The following ZHX2 variants were observed in gnomAD, a reference collection of about 807,000 sequenced individuals.
ZHX2 encodes the protein zinc fingers and homeoboxes protein 2.
Under a neutral mutation model 21.9 loss-of-function variants are expected in ZHX2, and 6 were observed. The observed-to-expected ratio is 0.27, with a 90% CI of 0.15 to 0.54. ZHX2 has a LOEUF of 0.54. Ranked by LOEUF, ZHX2 falls within the 20% of genes least tolerant of loss-of-function variation. The pLI is 0.95. For missense variants in ZHX2, 908 were observed against 1,090.7 expected, an observed-to-expected ratio of 0.83 and a Z score of 2.36; for synonymous variants, 434 against 437.1, an observed-to-expected ratio of 0.99 and a Z score of 0.09.
chr8:122,960,722 C>T (rs1439537762), intron 3 of ZHX2, among the ~76,000 whole-genome samples: 1 of 152,164 alleles, frequency 6.6e-6, no homozygotes, highest in Non-Finnish European at 1.5e-5. Context: ...CCTGGGTTCA[C>T]ACTTCACAGA....
intron 3 of ZHX2, among the ~76,000 whole-genome samples, chr8:122,971,353 A>G (rs540232856): frequency 6.7e-6 from 1 of 150,302 alleles, no homozygotes; most frequent in Admixed American, 6.6e-5. Flanking sequence ...GGATCCCTGC[A>G]GTGTTTACAA....
chr8:122,933,633 A>G (rs1812599704), intron 2 of ZHX2, among the ~76,000 whole-genome samples: 1 of 152,330 alleles, frequency 6.6e-6, no homozygotes. Flanking sequence ...TATGCTTCAA[A>G]ATATGTCTTA....
chr8:122,801,540 G>A (rs1332055149), intron 1 of ZHX2, among the ~76,000 whole-genome samples: 1 of 149,806 alleles, frequency 6.7e-6, no homozygotes, highest in Non-Finnish European at 1.5e-5. Flanking sequence ...TGAGTGCCCA[G>A]CAGTTTGAGA....
intron 3 of ZHX2, among the ~76,000 whole-genome samples, chr8:122,960,200 T>C (rs1327349371): frequency 1.3e-5 from 2 of 152,112 alleles, no homozygotes; most frequent in Non-Finnish European, 2.9e-5. Flanking sequence ...ATATGGGAAT[T>C]TGAGGGTTTA....
At position 122,786,565 on chromosome 8, in the gene ZHX2, A is replaced by G. The variant is rs77996871; in HGVS notation, c.-283+4619A>G. On this transcript the variant is annotated intron_variant, in intron 1 of 3. Transcript: ENST00000314393. ...GGCTTAGCACACACCTCACATGTGAACTGTGCTCAACAAATCACCGTCATC... is the reference window on the plus strand; with the variant it reads ...GGCTTAGCACACACCTCACATGTGAGCTGTGCTCAACAAATCACCGTCATC... 5.5e-3 allele frequency among the ~76,000 whole-genome samples: 842 copies of G among 152,298 alleles called. 3 individuals are homozygous for G. Among genetic ancestry groups the G allele is most frequent in the African/African-American group, 0.02 (811 of 41,536 alleles).
intron 2 of ZHX2, among the ~76,000 whole-genome samples, chr8:122,887,338 A>AC (rs1819868038): frequency 6.6e-6 from 1 of 150,664 alleles, no homozygotes; most frequent in Non-Finnish European, 1.5e-5. Context: ...ACATGGTAAA[A>AC]CCCCATCCTT....
At chr8:122,890,698 G>A (rs913062625) in intron 2 of ZHX2, among the ~76,000 whole-genome samples, 3 of 151,970 alleles carry the variant, frequency 2.0e-5, no homozygotes, top group Non-Finnish European at 4.4e-5. Context: ...TTTATTCCTA[G>A]GTATTTTATT....
At chr8:122,854,057 C>T (rs952360057) in intron 1 of ZHX2, among the ~76,000 whole-genome samples, 3 of 152,098 alleles carry the variant, frequency 2.0e-5, no homozygotes, top group Admixed American at 6.6e-5. Context: ...ATGGTCAGGC[C>T]GAGCCTCCCG....
chr8:122,809,952 G>T (rs1019631768), intron 1 of ZHX2, among the ~76,000 whole-genome samples: 1 of 152,038 alleles, frequency 6.6e-6, no homozygotes, highest in African/African-American at 2.4e-5. Flanking sequence ...GGGTAGGGGG[G>T]GTGGAGGGCT....
chr8:122,813,419 C>G (rs1817970782), intron 1 of ZHX2, among the ~76,000 whole-genome samples: 1 of 152,148 alleles, frequency 6.6e-6, no homozygotes, highest in Non-Finnish European at 1.5e-5. Flanking sequence ...CTTATAGCTT[C>G]CCATCAGACA....
chr8:122,874,317 C>T (rs1464807260), intron 2 of ZHX2, among the ~76,000 whole-genome samples: 2 of 152,186 alleles, frequency 1.3e-5, no homozygotes, highest in African/African-American at 4.8e-5. Flanking sequence ...AGCACTCACT[C>T]AATACCATTT....
chr8:122,908,007 C>A (rs1310196434), intron 2 of ZHX2, among the ~76,000 whole-genome samples: 1 of 152,058 alleles, frequency 6.6e-6, no homozygotes, highest in Non-Finnish European at 1.5e-5. Context: ...AGAGGGTAAC[C>A]AGCAAAAGAC....
At position 122,897,864 on chromosome 8, in the gene ZHX2, C is replaced by T. The variant is rs537698460; in HGVS notation, c.-220+34325C>T. Among the ~76,000 whole-genome samples the T allele has an allele frequency of 4.6e-5, 7 of 152,294 alleles. 1 individual carries two copies. The highest frequency in any genetic ancestry group is 1.3e-4 in the Admixed American group (2 of 15,302). Reference sequence around the variant, plus strand: ...CCCAGCGTGTCAGGACAGCTTTGTTCTTCTTGCCAGATGTGGTGGCCTAGA... The same window carrying T: ...CCCAGCGTGTCAGGACAGCTTTGTTTTTCTTGCCAGATGTGGTGGCCTAGA... On this transcript the variant is annotated intron_variant, in intron 2 of 3. Coordinates refer to ENST00000314393, the MANE Select transcript of ZHX2 (RefSeq NM_014943.5).
At position 122,927,494 on chromosome 8, in the gene ZHX2, T is replaced by TA. The variant is rs34009444; in HGVS notation, c.-219-23788dup. 5.5e-3 allele frequency among the ~76,000 whole-genome samples: 821 copies of TA among 149,746 alleles called. 4 individuals are homozygous for TA. Among genetic ancestry groups the TA allele is most frequent in the African/African-American group, 0.018 (751 of 40,908 alleles). The stretch of plus-strand genomic sequence containing the variant: ...TGGGCAACAGAGTGAGATTCCATCT[T>TA]AAAAAAAAAATACCCAAAACTGGGT... On this transcript the variant is annotated intron_variant, in intron 2 of 3. Transcript: ENST00000314393.
intron 1 of ZHX2, among the ~76,000 whole-genome samples, chr8:122,786,722 C>G (rs968942397): frequency 6.6e-6 from 1 of 152,124 alleles, no homozygotes; most frequent in African/African-American, 2.4e-5. Flanking sequence ...TGCCTCCCCC[C>G]ACCCCCAGTA....
chr8:122,864,621 T>C (rs1388401160), intron 2 of ZHX2, among the ~76,000 whole-genome samples: 2 of 151,854 alleles, frequency 1.3e-5, no homozygotes, highest in Non-Finnish European at 2.9e-5. Flanking sequence ...GGGGAACAGG[T>C]GGCAAGACTC....
intron 3 of ZHX2, among the ~76,000 whole-genome samples, chr8:122,956,334 A>G (rs905519783): frequency 3.3e-5 from 5 of 152,174 alleles, no homozygotes; most frequent in Non-Finnish European, 7.3e-5. Flanking sequence ...CACAGTACCC[A>G]TTCACTGTGG....
At chr8:122,962,831 GGTAGTATTGCATTATGAT>G in intron 3 of ZHX2, among the ~76,000 whole-genome samples, 1 of 152,234 alleles carries the variant, frequency 6.6e-6, no homozygotes, top group East Asian at 1.9e-4. Context: ...GCAGGAGTTA[GGTAGTATTGCATTATGAT>G]TTTGATTTGC....
chr8:122,913,356 G>A (rs1161179564), intron 2 of ZHX2, among the ~76,000 whole-genome samples: 1 of 152,138 alleles, frequency 6.6e-6, no homozygotes, highest in Non-Finnish European at 1.5e-5. Context: ...CGCATGGTAG[G>A]AACCCAGATT....
Sources: gnomAD v4.1 joint callset for allele counts (sites outside exome capture counted in the v4.1 genomes callset) on GRCh38, gnomAD v4.1.1 for gene constraint, MANE v1.5 for transcripts, NCBI Gene and HGNC (gene_info 2026-07-23, HGNC 2026-07-21) for gene names.